The following PIP4K2A variants were observed in gnomAD, a reference collection of about 807,000 sequenced individuals.
PIP4K2A encodes the protein phosphatidylinositol-5-phosphate 4-kinase type 2 alpha.
PIP4K2A carries 14 observed loss-of-function variants against 42.9 expected under a neutral mutation model. That is an observed-to-expected ratio of 0.33 (90% CI 0.22 to 0.51). The LOEUF (loss-of-function observed/expected upper bound fraction) is 0.51. Ranked by LOEUF, PIP4K2A falls within the 20% of genes least tolerant of loss-of-function variation. The pLI, the probability that PIP4K2A is intolerant of heterozygous loss-of-function variation, is 0.97. For synonymous variants in PIP4K2A, 192 were observed against 192.2 expected (o/e 1.00, Z 0.01); for missense variants, 434 against 519.8 (o/e 0.83, Z 1.61).
At chr10:22,541,316 G>A (rs73598558) in intron 8 of PIP4K2A, among the ~76,000 whole-genome samples, 3,380 of 152,320 alleles carry the variant, frequency 0.022, 63 homozygotes, top group Middle Eastern at 0.061. Flanking sequence ...TGTTGGTAAT[G>A]ACAAGAGGAC....
At chr10:22,553,442 A>C (rs1038235814) in intron 6 of PIP4K2A, among the ~76,000 whole-genome samples, 3 of 152,232 alleles carry the variant, frequency 2.0e-5, no homozygotes, top group Non-Finnish European at 4.4e-5. Context: ...GAAAACACGC[A>C]GCAGCCTTAG....
At chr10:22,641,322 C>T (rs1588680332) in intron 1 of PIP4K2A, among the ~76,000 whole-genome samples, 1 of 152,260 alleles carries the variant, frequency 6.6e-6, no homozygotes, top group South Asian at 2.1e-4. Context: ...CACTCTCTGC[C>T]ACTACAGAGT....
At chr10:22,589,497 T>TA (rs1322461944) in intron 4 of PIP4K2A, among the ~76,000 whole-genome samples, 1 of 152,220 alleles carries the variant, frequency 6.6e-6, no homozygotes, top group Non-Finnish European at 1.5e-5. Flanking sequence ...ATTTAGAGGC[T>TA]AATGATTTTA....
At chr10:22,653,223 G>A (rs1394266724) in intron 1 of PIP4K2A, among the ~76,000 whole-genome samples, 2 of 152,148 alleles carry the variant, frequency 1.3e-5, no homozygotes, top group Non-Finnish European at 2.9e-5. Context: ...AGAAGATATG[G>A]AAAAGGTGAA....
chr10:22,671,145 CAT>C (rs993832528), intron 1 of PIP4K2A, among the ~76,000 whole-genome samples: 51 of 152,090 alleles, frequency 3.4e-4, no homozygotes, highest in African/African-American at 1.2e-3. Flanking sequence ...CACGTCCACA[CAT>C]ATATATATAC....
At chr10:22,685,290 T>C (rs1010395011) in intron 1 of PIP4K2A, among the ~76,000 whole-genome samples, 2 of 152,160 alleles carry the variant, frequency 1.3e-5, no homozygotes, top group Non-Finnish European at 2.9e-5. Context: ...TAGCATCAAG[T>C]CATACTATTA....
chr10:22,601,609 C>T (rs1837780861), intron 3 of PIP4K2A, among the ~76,000 whole-genome samples: 1 of 152,192 alleles, frequency 6.6e-6, no homozygotes, highest in South Asian at 2.1e-4. Flanking sequence ...AGTGCTTAGG[C>T]ATTAGAGGAG....
At chr10:22,596,947 C>T (rs913304842) in intron 3 of PIP4K2A, among the ~76,000 whole-genome samples, 1 of 152,218 alleles carries the variant, frequency 6.6e-6, no homozygotes, top group African/African-American at 2.4e-5. Flanking sequence ...AGTCATTTTT[C>T]TATAGTGACA....
chr10:22,656,076 T>G (rs536205500), intron 1 of PIP4K2A, among the ~76,000 whole-genome samples: 6 of 152,330 alleles, frequency 3.9e-5, no homozygotes, highest in Admixed American at 6.5e-5. Context: ...CCCCAGACCT[T>G]GCTGCCATCC....
chr10:22,669,116 T>C (rs772323565), intron 1 of PIP4K2A, among the ~76,000 whole-genome samples: 4 of 152,212 alleles, frequency 2.6e-5, no homozygotes, highest in Admixed American at 6.5e-5. Context: ...CTGAAATCCT[T>C]TGATAGGGAA....
At chr10:22,579,448 G>A (rs968560800) in intron 4 of PIP4K2A, among the ~76,000 whole-genome samples, 9 of 152,196 alleles carry the variant, frequency 5.9e-5, no homozygotes, top group African/African-American at 2.2e-4. Context: ...GCTGATAAAT[G>A]GTGTTCTCCA....
chr10:22,694,763 T>C (rs1220626262), intron 1 of PIP4K2A: 1 of 152,236 alleles, frequency 6.6e-6, no homozygotes, highest in Non-Finnish European at 1.5e-5. Context: ...TTTGTATCTT[T>C]TGTACAAAGA....
intron 1 of PIP4K2A, among the ~76,000 whole-genome samples, chr10:22,686,401 TC>T (rs1315288234): frequency 4.6e-5 from 7 of 152,236 alleles, no homozygotes; most frequent in Non-Finnish European, 8.8e-5. Flanking sequence ...AAAAGACTTT[TC>T]TTCCTGTTAG....
At chr10:22,635,322 G>T (rs181464536) in intron 1 of PIP4K2A, among the ~76,000 whole-genome samples, 223 of 152,290 alleles carry the variant, frequency 1.5e-3, no homozygotes, top group African/African-American at 4.9e-3. Context: ...GGATGTCAGT[G>T]GTGGGGAGGC....
intron 4 of PIP4K2A, among the ~76,000 whole-genome samples, chr10:22,590,086 T>C (rs762178504): frequency 6.6e-6 from 1 of 152,202 alleles, no homozygotes; most frequent in Non-Finnish European, 1.5e-5. Context: ...CCACCCACCA[T>C]GACCCTGCCA....
intron 7 of PIP4K2A, among the ~76,000 whole-genome samples, chr10:22,543,610 T>C (rs1836183932): frequency 6.6e-6 from 1 of 152,236 alleles, no homozygotes; most frequent in South Asian, 2.1e-4. Flanking sequence ...CACTTGCACC[T>C]CTCTCTGCCA....
At chr10:22,673,985 G>A (rs1252810526) in intron 1 of PIP4K2A, among the ~76,000 whole-genome samples, 1 of 152,128 alleles carries the variant, frequency 6.6e-6, no homozygotes, top group Non-Finnish European at 1.5e-5. Context: ...AAGTCATTTT[G>A]CAAATGAAAG....
chr10:22,646,938 C>CAA lies in PIP4K2A; in HGVS notation c.145-37223_145-37222dup, dbSNP rs1399403711. Among the ~76,000 whole-genome samples, 3 of 82,844 alleles carry CAA rather than the reference C, an allele frequency of 3.6e-5. 1 individual carries two copies. The highest frequency in any genetic ancestry group is 2.0e-4 in the Admixed American group (2 of 10,164). The allele number at this position is 82,844 out of a possible 152,430, so 54.3% of individuals were successfully genotyped here. A position where few individuals can be genotyped will look rare whatever the true frequency, so the allele number is the denominator to read the frequency against. ...CTTCAAGACAAAACAAAACAAAAAA[C>CAA]AAAACAAAACAAAACAAAACAAAAA... On this transcript the variant is annotated intron_variant, in intron 1 of 9. Coordinates refer to ENST00000376573, the MANE Select transcript of PIP4K2A (RefSeq NM_005028.5).
intron 3 of PIP4K2A, among the ~76,000 whole-genome samples, chr10:22,595,031 C>A (rs981151596): frequency 6.6e-6 from 1 of 152,098 alleles, no homozygotes; most frequent in African/African-American, 2.4e-5. Context: ...ATAGAATGTA[C>A]CTTTCATATC....
Sources: allele counts gnomAD v4.1 joint callset (sites outside exome capture counted in the v4.1 genomes callset), GRCh38; gene constraint gnomAD v4.1.1; transcripts MANE v1.5; gene names NCBI Gene and HGNC (gene_info 2026-07-23, HGNC 2026-07-21).